MICALL1: variants seen among roughly 807,000 people sequenced by gnomAD.
MICALL1 encodes MICAL like 1, also known as MICAL-like protein 1.
In MICALL1, 61 loss-of-function variants were observed where a neutral mutation model predicts 83.7. The observed-to-expected ratio is 0.73, with a 90% confidence interval of 0.59 to 0.90. The LOEUF is 0.90. MICALL1 is among the 40% of genes least tolerant of loss of function. MICALL1 has a pLI of 0.00. For missense variants in MICALL1, 1,066 were observed against 1,152.0 expected (o/e 0.93, Z 1.08); for synonymous variants, 481 against 473.6 (o/e 1.02, Z -0.20).
Position 37,942,454 on chromosome 22 carries a change from C to T in MICALL1, c.*1624C>T, listed in dbSNP as rs1291467079. 6.6e-6 allele frequency: 1 copy of T among 152,044 alleles called. No homozygotes were observed. Among genetic ancestry groups the T allele is most frequent in the Non-Finnish European group, 1.5e-5 (1 of 68,026 alleles). The allele number at this position is 152,044 out of a possible 1,614,324, so 9.4% of individuals were successfully genotyped here. On this transcript the variant is annotated 3_prime_UTR_variant, in exon 16 of 16. Transcript: ENST00000215957. ...TCCTTTGTCATAAGAAGCTAGAAATCCAGATTTTATGTGTGTGTAATTTGT... is the reference window on the plus strand; with the variant it reads ...TCCTTTGTCATAAGAAGCTAGAAATTCAGATTTTATGTGTGTGTAATTTGT...
Position 37,927,814 on chromosome 22 carries a change from G to C in MICALL1, c.1869G>C (p.Gln623His), listed in dbSNP as rs1258232939. ...PVPSPGSSSP[Q>H]LQVKSSCKEN... ...CTTCCCCTGGAAGCTCGTCCCCACA[G>C]CTGCAGGTAAAGGTGAGTGCCCCCT... The change falls in exon 9 of 16, where the codon CAG (glutamine) becomes CAC (histidine). Residue 623 changes from glutamine (Q) to histidine (H), a missense_variant. Coordinates refer to ENST00000215957, the MANE Select transcript of MICALL1 (RefSeq NM_033386.4). 1 of 1,607,656 alleles carries C rather than the reference G, an allele frequency of 6.2e-7. No homozygotes were observed. Among genetic ancestry groups the C allele is most frequent in the Admixed American group, 1.7e-5 (1 of 59,762 alleles).
At chr22:37,921,465 C>T (rs560123042) in intron 5 of MICALL1, among the ~76,000 whole-genome samples, 9 of 151,582 alleles carry the variant, frequency 5.9e-5, no homozygotes, top group Non-Finnish European at 7.4e-5. Flanking sequence ...CCCAGCCACT[C>T]GGAAGGCTGA....
intron 7 of MICALL1, 99 bp from the exon 8 acceptor site, chr22:37,925,562 C>A: frequency 1.3e-6 from 1 of 763,140 alleles, no homozygotes; most frequent in Non-Finnish European, 2.1e-6. Flanking sequence ...AGCCGTTTCT[C>A]ATCCACCCCC....
chr22:37,919,038 C>G lies in MICALL1; in HGVS notation c.429C>G (p.Gly143=), dbSNP rs375826048. 3 of 1,549,396 alleles carry G rather than the reference C, an allele frequency of 1.9e-6. No homozygotes were observed. The East Asian group carries it at 7.3e-5, about 38-fold the overall frequency. The stretch of plus-strand genomic sequence containing the variant: ...CTCCCCCACCTCGTTCTCTGCAGGG[C>G]GAGGAGCTCTCCTCAGGCAGCCTGT... The part of the protein sequence containing the change: ...TPVEPEDVAQ[G]EELSSGSLSE... The change falls in exon 5 of 16, where the codon GGC becomes GGG. Residue 143 remains glycine, a splice_region_variant and synonymous_variant. Transcript: ENST00000215957.
chr22:37,926,001 A>G lies in MICALL1; in HGVS notation c.1423A>G (p.Lys475Glu), dbSNP rs1028263800. The change falls in exon 8 of 16, where the codon AAG becomes GAG. Residue 475 changes from lysine (K) to glutamate (E), a missense_variant. Coordinates refer to ENST00000215957, the MANE Select transcript of MICALL1 (RefSeq NM_033386.4). ...GITPTSSPKTKKRPAPRAPSA... is the reference protein window; with the variant it reads ...GITPTSSPKTEKRPAPRAPSA... ...CACCCCTACCAGCAGCCCCAAGACA[A>G]AGAAGCGCCCTGCCCCGCGCGCACC... 2 of 1,613,270 alleles carry G rather than the reference A, an allele frequency of 1.2e-6. No individual in the cohort carries two copies. The highest frequency in any genetic ancestry group is 1.7e-6 in the Non-Finnish European group (2 of 1,179,710).
intron 4 of MICALL1, 61 bp downstream of exon 4, chr22:37,917,856 A>G: frequency 7.1e-7 from 1 of 1,412,962 alleles, no homozygotes; most frequent in Non-Finnish European, 1.0e-6. Flanking sequence ...TATGTGGACG[A>G]CTATCATTGC....
In MICALL1 at chr22:37,919,037, G is replaced by C. The variant is rs746234672; in HGVS notation, c.428G>C (p.Gly143Ala). 5.8e-6 allele frequency: 9 copies of C among 1,549,370 alleles called. No individual in the cohort carries two copies. Among genetic ancestry groups the C allele is most frequent in the Non-Finnish European group, 7.9e-6 (9 of 1,145,924 alleles). The change falls in exon 5 of 16, where the codon GGC (glycine) becomes GCC (alanine). Residue 143 changes from glycine (G) to alanine (A), a missense_variant and splice_region_variant. Transcript: ENST00000215957. ...CCTCCCCCACCTCGTTCTCTGCAGG[G>C]CGAGGAGCTCTCCTCAGGCAGCCTG... ...TPVEPEDVAQ[G>A]EELSSGSLSE...
At chr22:37,927,380 T>G (rs1929512308) in intron 8 of MICALL1, 31 bp from the exon 9 acceptor site, 1 of 1,533,236 alleles carries the variant, frequency 6.5e-7, no homozygotes, top group Non-Finnish European at 8.8e-7. Context: ...GGTGCTCCCC[T>G]TGTGAGGTGT....
chr22:37,921,497 C>T (rs1346132823), intron 5 of MICALL1, among the ~76,000 whole-genome samples: 10 of 152,212 alleles, frequency 6.6e-5, no homozygotes, highest in East Asian at 1.9e-4. Context: ...CTCTTGAACC[C>T]GAGAGGCGGA....
chr22:37,933,574 A>G (rs941004163), intron 13 of MICALL1, among the ~76,000 whole-genome samples: 3 of 152,180 alleles, frequency 2.0e-5, no homozygotes, highest in Non-Finnish European at 4.4e-5. Flanking sequence ...ACCAGGAGAC[A>G]GTGGACGTGG....
intron 3 of MICALL1, among the ~76,000 whole-genome samples, chr22:37,913,459 A>G (rs1928468954): frequency 6.6e-6 from 1 of 152,120 alleles, no homozygotes; most frequent in Non-Finnish European, 1.5e-5. Flanking sequence ...ACCCACCCTC[A>G]CTTCCTGTTT....
In MICALL1 at chr22:37,930,932, CTA is replaced by C. The variant is rs1191745657; in HGVS notation, c.1882-866_1882-865del. Among the ~76,000 whole-genome samples the C allele has an allele frequency of 2.0e-5, 3 of 152,218 alleles. No individual in the cohort carries two copies. Among genetic ancestry groups the C allele is most frequent in the Non-Finnish European group, 4.4e-5 (3 of 68,048 alleles). On this transcript the variant is annotated intron_variant, in intron 9 of 15. Coordinates refer to ENST00000215957, the MANE Select transcript of MICALL1 (RefSeq NM_033386.4). This position sits in a 1 kb window ranked among gnomAD's most constrained non-coding sequence, Gnocchi z 4.8. The stretch of plus-strand genomic sequence containing the variant: ...AGGGTGGTTATGAGGCCTGAATGAA[CTA>C]CCATAGCTCTGTCTTGCCTTAAACC...
At chr22:37,934,802 T>A (rs1930004420) in intron 13 of MICALL1, among the ~76,000 whole-genome samples, 1 of 151,260 alleles carries the variant, frequency 6.6e-6, no homozygotes, top group Non-Finnish European at 1.5e-5. Flanking sequence ...TTCACCATGT[T>A]AGCCAGGATG....
In MICALL1 at chr22:37,912,400, C is replaced by A. The variant is rs773351460; in HGVS notation, c.245C>A (p.Pro82His). ...KELGIPALLD[P>H]NDMVSMSVPD... ...CTGGGGATCCCCGCTCTCCTGGACC[C>A]CAATGACATGGTCTCCATGAGCGTC... Residue 82 changes from proline (P) to histidine (H), a missense_variant, in exon 3 of 16, where the codon CCC becomes CAC. Pro to His is a moderately conservative substitution (Grantham distance 77). Transcript: ENST00000215957. The A allele has an allele frequency of 3.7e-6, 6 of 1,614,046 alleles. No individual in the cohort carries two copies. In the East Asian group the frequency reaches 1.3e-4, roughly 36 times the overall value.
intron 5 of MICALL1, among the ~76,000 whole-genome samples, chr22:37,921,693 T>C (rs537839709): frequency 1.4e-4 from 21 of 152,376 alleles, no homozygotes; most frequent in Admixed American, 1.1e-3. Flanking sequence ...ATGCCACCTC[T>C]CAGGGGGACC....
intron 3 of MICALL1, among the ~76,000 whole-genome samples, chr22:37,914,612 C>T (rs557616010): frequency 3.5e-4 from 53 of 151,466 alleles, no homozygotes; most frequent in African/African-American, 1.1e-3. Flanking sequence ...TATATGCGTG[C>T]GCGCACACAC....
At chr22:37,916,957 A>T (rs1372512655) in intron 3 of MICALL1, among the ~76,000 whole-genome samples, 3 of 152,034 alleles carry the variant, frequency 2.0e-5, no homozygotes, top group Non-Finnish European at 4.4e-5. Context: ...TCCACCTCCC[A>T]GGTTCGAGCG....
chr22:37,939,500 G>C (rs984968644), intron 15 of MICALL1, among the ~76,000 whole-genome samples: 3 of 152,216 alleles, frequency 2.0e-5, no homozygotes, highest in Non-Finnish European at 2.9e-5. Context: ...TGGGGGCCAG[G>C]CGCGGTGGCT....
At chr22:37,907,499 T>C (rs1928039251) in intron 1 of MICALL1, 1 of 152,294 alleles carries the variant, frequency 6.6e-6, no homozygotes, top group African/African-American at 2.4e-5. Flanking sequence ...CTGGTGCCAT[T>C]CCTTGCACTT....
Sources: gnomAD v4.1 joint callset for allele counts (sites outside exome capture counted in the v4.1 genomes callset) on GRCh38, gnomAD v4.1.1 for gene constraint, Gnocchi (gnomAD v3.1) non-coding constraint, MANE v1.5 for transcripts, NCBI Gene and HGNC (gene_info 2026-07-23, HGNC 2026-07-21) for gene names.